Variants in DST observed in about 807,000 individuals in gnomAD.
DST encodes bullous pemphigoid antigen.
In DST, 253 loss-of-function variants were observed where a neutral mutation model predicts 875.2. The ratio of observed to expected loss-of-function variants is 0.29; its 90% CI spans 0.26 to 0.32. The LOEUF is 0.32. Among genes scored for constraint, DST ranks in the 10% least tolerant of loss-of-function variants. The pLI is 1.00. For synonymous variants in DST, 3,124 were observed against 3,197.1 expected (o/e 0.98, Z 0.77); for missense variants, 8,287 against 9,111.6 (o/e 0.91, Z 3.68).
At chr6:56,535,068 C>A in intron 63 of DST, 54 bp downstream of exon 63, 2 of 1,587,092 alleles carry the variant, frequency 1.3e-6, no homozygotes, top group Non-Finnish European at 1.7e-6. Flanking sequence ...TGCATTTTTT[C>A]TCTTGTTATT....
At chr6:56,922,801 A>T (rs1011129694) in intron 2 of DST, among the ~76,000 whole-genome samples, 1 of 152,178 alleles carries the variant, frequency 6.6e-6, no homozygotes, top group Non-Finnish European at 1.5e-5. Flanking sequence ...TGTCAAAAGA[A>T]AAATGGATGA....
intron 3 of DST, among the ~76,000 whole-genome samples, chr6:56,887,964 T>C (rs968347870): frequency 4.0e-5 from 6 of 151,712 alleles, no homozygotes; most frequent in African/African-American, 1.5e-4. Flanking sequence ...TTTTTTTTTT[T>C]TTTTTGAGAT....
At chr6:56,594,843 CAT>C (rs1263796450) in intron 47 of DST, among the ~76,000 whole-genome samples, 1 of 152,158 alleles carries the variant, frequency 6.6e-6, no homozygotes, top group Non-Finnish European at 1.5e-5. Context: ...TTAAGGAGTA[CAT>C]GAGATCACAT....
At chr6:56,818,287 TATC>T (rs2099769035) in intron 4 of DST, among the ~76,000 whole-genome samples, 1 of 152,232 alleles carries the variant, frequency 6.6e-6, no homozygotes, top group East Asian at 1.9e-4. Context: ...GGACCACTGT[TATC>T]ATGAAGGGAA....
At chr6:56,797,415 T>C (rs558926407) in intron 4 of DST, among the ~76,000 whole-genome samples, 1 of 152,262 alleles carries the variant, frequency 6.6e-6, no homozygotes, top group East Asian at 1.9e-4. Flanking sequence ...ACTCAAAAGC[T>C]AGAAATTATT....
At chr6:56,593,311 C>T (rs761673862) in intron 48 of DST, among the ~76,000 whole-genome samples, 7 of 151,868 alleles carry the variant, frequency 4.6e-5, no homozygotes, top group African/African-American at 1.7e-4. Context: ...GTCAGGAGAT[C>T]GAGACCATCC....
rs751861592 is a variant in DST, at chr6:56,609,186, C to A, written c.5442G>T (p.Lys1814Asn). 4 of 1,613,822 alleles carry A rather than the reference C, an allele frequency of 2.5e-6. No individual in the cohort carries two copies. Among genetic ancestry groups the A allele is most frequent in the Non-Finnish European group, 3.4e-6 (4 of 1,179,776 alleles). Residue 1814 changes from lysine to asparagine, a missense_variant, in exon 40 of 104, where the codon AAG (lysine) becomes AAT (asparagine). Coordinates refer to ENST00000680361, the MANE Select transcript of DST (RefSeq NM_001374736.1). ...TTTTGGCATCTTTAAGGTCAAAGCA[C>A]TTTCTTAATTCTGGTGAAATTAGAC... Reference protein sequence around the residue: ...ISGLISPELRKCFDLKDAKSH... With the variant: ...ISGLISPELRNCFDLKDAKSH...
At chr6:56,537,445 G>A (rs2097028966) in intron 61 of DST, among the ~76,000 whole-genome samples, 1 of 152,214 alleles carries the variant, frequency 6.6e-6, no homozygotes, top group African/African-American at 2.4e-5. Context: ...GACAGGATGA[G>A]GTGAGCCAAG....
chr6:56,940,249 TAC>T (rs1194144513), intron 2 of DST, among the ~76,000 whole-genome samples: 5 of 149,942 alleles, frequency 3.3e-5, no homozygotes, highest in Non-Finnish European at 7.4e-5. Context: ...TATACATATA[TAC>T]ACACACACAT....
chr6:56,535,432 T>C, intron 62 of DST, 140 bp from the exon 63 acceptor site: 1 of 996,624 alleles, frequency 1.0e-6, no homozygotes, highest in Non-Finnish European at 1.4e-6. Flanking sequence ...TTACCCAAAG[T>C]ATCGATAGTA....
chr6:56,509,294 T>A (rs1583487147), intron 74 of DST, among the ~76,000 whole-genome samples: 1 of 152,314 alleles, frequency 6.6e-6, no homozygotes, highest in Non-Finnish European at 1.5e-5. Flanking sequence ...GGATCCATGC[T>A]ATGTAAGGTA....
intron 5 of DST, among the ~76,000 whole-genome samples, chr6:56,717,178 G>A (rs553469791): frequency 2.3e-4 from 29 of 125,594 alleles, no homozygotes; most frequent in South Asian, 5.3e-4. Flanking sequence ...GCGAGACTCC[G>A]TCTCAAATAA....
In DST at chr6:56,553,179, T is replaced by C; in HGVS notation, c.15613A>G (p.Ile5205Val). 6.2e-7 allele frequency: 1 copy of C among 1,613,994 alleles called. No individual in the cohort carries two copies. Among genetic ancestry groups the C allele is most frequent in the Non-Finnish European group, 8.5e-7 (1 of 1,179,890 alleles). Residue 5205 changes from isoleucine (I) to valine (V), a missense_variant, in exon 61 of 104, where the codon ATT becomes GTT. Physicochemically the swap from Ile to Val is conservative, Grantham distance 29. This residue lies in a region of DST where 1,513 missense variants were observed against 1,677.8 expected (regional missense o/e 0.90). Transcript: ENST00000680361. ...CLDPAEGENSIAKLKSLQKEM... is the reference protein window; with the variant it reads ...CLDPAEGENSVAKLKSLQKEM... ...TTCTGCAGAGACTTTAACTTGGCAA[T>C]AGAATTCTCTCCTTCAGCAGGATCC...
rs2098520367 is a variant in DST at position 56,608,862 on chromosome 6, G to C, written c.5766C>G (p.Asp1922Glu). 6.2e-7 allele frequency: 1 copy of C among 1,613,282 alleles called. No homozygotes were observed. The highest frequency in any genetic ancestry group is 1.7e-5 in the Admixed American group (1 of 59,856). ...AAGAAACCTTCTCAGAGGTGCAGGG[G>C]TCAATAAGATCTTTGCACATATTTT... ...ERQNMCKDLI[D>E]PCTSEKVSLI... Residue 1922 changes from aspartate to glutamate, a missense_variant, in exon 40 of 104, where the codon GAC (aspartate) becomes GAG (glutamate). Around this residue, in one of 10 missense-constraint regions of DST, gnomAD observed 3,138 missense variants for 3,116.6 expected, o/e 1.01. Transcript: ENST00000680361.
At chr6:56,845,176 T>C (rs1562148951) in intron 4 of DST, among the ~76,000 whole-genome samples, 1 of 152,248 alleles carries the variant, frequency 6.6e-6, no homozygotes, top group Non-Finnish European at 1.5e-5. Context: ...ATCAGCTGAT[T>C]GTTGACAGTC....
intron 23 of DST, among the ~76,000 whole-genome samples, chr6:56,636,287 CATAT>C (rs993234103): frequency 1.4e-5 from 2 of 148,108 alleles, no homozygotes; most frequent in African/African-American, 5.1e-5. Flanking sequence ...CACACACACA[CATAT>C]ACATATATAC....
intron 94 of DST, 30 bp from the exon 95 acceptor site, chr6:56,471,298 T>A (rs1230905039): frequency 4.6e-6 from 7 of 1,527,632 alleles, no homozygotes; most frequent in Non-Finnish European, 6.2e-6. Context: ...TTTGATTGAG[T>A]TAATGCTGTA....
At chr6:56,609,630 C>T (rs1357091107) in intron 39 of DST, among the ~76,000 whole-genome samples, 3 of 152,074 alleles carry the variant, frequency 2.0e-5, no homozygotes, top group African/African-American at 4.8e-5. Flanking sequence ...GAGGACACAA[C>T]AGAGTAGATG....
chr6:56,850,203 C>T (rs1764367189), intron 4 of DST, among the ~76,000 whole-genome samples: 1 of 152,126 alleles, frequency 6.6e-6, no homozygotes, highest in Non-Finnish European at 1.5e-5. Flanking sequence ...ACAGCGGAAG[C>T]CAGAAGAAGC....
Sources: allele counts gnomAD v4.1 joint callset (sites outside exome capture counted in the v4.1 genomes callset), GRCh38; gene constraint gnomAD v4.1.1; regional missense constraint gnomAD v4.1.1; transcripts MANE v1.5; gene names NCBI Gene and HGNC (gene_info 2026-07-23, HGNC 2026-07-21).